Variants in AGBL4 observed in about 807,000 individuals in gnomAD.
AGBL4 encodes AGBL carboxypeptidase 4.
A neutral mutation model predicts 66.4 loss-of-function variants in AGBL4; 58 were observed. The ratio of observed to expected loss-of-function variants is 0.87; its 90% CI spans 0.71 to 1.09. The LOEUF is 1.09. Ranked by LOEUF, AGBL4 falls within the 50% of genes least tolerant of loss-of-function variation. The probability of loss-of-function intolerance (pLI) is 0.00; values close to 1 mark genes in which losing one functional copy is unlikely to be tolerated. For missense variants in AGBL4, 579 were observed against 631.0 expected, an observed-to-expected ratio of 0.92 and a Z score of 0.88; for synonymous variants, 234 against 222.9, an observed-to-expected ratio of 1.05 and a Z score of -0.44.
chr1:50,020,824 A>G (rs888779412), intron 1 of AGBL4, among the ~76,000 whole-genome samples: 1 of 152,236 alleles, frequency 6.6e-6, no homozygotes, highest in East Asian at 1.9e-4. Context: ...GTGGTACAAA[A>G]TAAACACTTC....
intron 5 of AGBL4, among the ~76,000 whole-genome samples, chr1:48,931,963 C>A (rs537489026): frequency 6.6e-6 from 1 of 152,306 alleles, no homozygotes; most frequent in East Asian, 1.9e-4. Flanking sequence ...ATCAGCCCAT[C>A]CTTCCCAGGA....
At chr1:48,994,872 A>T (rs931515788) in intron 5 of AGBL4, among the ~76,000 whole-genome samples, 1 of 152,210 alleles carries the variant, frequency 6.6e-6, no homozygotes, top group Non-Finnish European at 1.5e-5. Context: ...CAGATACATA[A>T]TTCCAAAATT....
chr1:49,736,101 G>C (rs1290811809), intron 2 of AGBL4, among the ~76,000 whole-genome samples: 2 of 151,470 alleles, frequency 1.3e-5, no homozygotes, highest in African/African-American at 4.8e-5. Flanking sequence ...AGGAAATAAA[G>C]AAAAAAGGGA....
chr1:48,549,012 T>G (rs1014375866), intron 11 of AGBL4, among the ~76,000 whole-genome samples: 1 of 152,200 alleles, frequency 6.6e-6, no homozygotes, highest in African/African-American at 2.4e-5. Flanking sequence ...GGTCTTTTCT[T>G]GCCATTATCC....
intron 2 of AGBL4, among the ~76,000 whole-genome samples, chr1:49,726,976 C>T (rs1277092094): frequency 6.6e-6 from 1 of 152,094 alleles, no homozygotes; most frequent in East Asian, 1.9e-4. Flanking sequence ...CATATGCCCA[C>T]CCTACAATAC....
intron 5 of AGBL4, among the ~76,000 whole-genome samples, chr1:48,890,386 G>A (rs894967918): frequency 6.6e-6 from 1 of 152,122 alleles, no homozygotes; most frequent in East Asian, 1.9e-4. Context: ...TTGTGGTGAG[G>A]ATTAAATATT....
At chr1:50,006,761 CCAGA>C (rs746104349) in intron 1 of AGBL4, among the ~76,000 whole-genome samples, 3 of 151,860 alleles carry the variant, frequency 2.0e-5, no homozygotes, top group Non-Finnish European at 2.9e-5. Context: ...AAATACTTTC[CCAGA>C]CAAACAAAAG....
chr1:49,563,633 C>T (rs887628517), intron 3 of AGBL4, among the ~76,000 whole-genome samples: 2 of 152,112 alleles, frequency 1.3e-5, no homozygotes, highest in African/African-American at 4.8e-5. Flanking sequence ...ATATGTTGAA[C>T]CAGCCTTGCA....
intron 3 of AGBL4, among the ~76,000 whole-genome samples, chr1:49,622,489 C>T (rs943377381): frequency 2.7e-5 from 4 of 150,484 alleles, no homozygotes; most frequent in African/African-American, 4.9e-5. Flanking sequence ...ATTAGCCGGG[C>T]GTAGTGGCGG....
intron 11 of AGBL4, among the ~76,000 whole-genome samples, chr1:48,574,939 T>C (rs1644626793): frequency 6.6e-6 from 1 of 152,184 alleles, no homozygotes; most frequent in Non-Finnish European, 1.5e-5. Flanking sequence ...TGTGCTCCTG[T>C]AGAGAATGGC....
chr1:48,591,467 G>A (rs1644917807), intron 9 of AGBL4, among the ~76,000 whole-genome samples: 1 of 152,138 alleles, frequency 6.6e-6, no homozygotes, highest in Non-Finnish European at 1.5e-5. Context: ...GAAGCTTGGT[G>A]TAAATCATGT....
intron 3 of AGBL4, among the ~76,000 whole-genome samples, chr1:49,569,823 G>A (rs1644290441): frequency 6.6e-6 from 1 of 152,100 alleles, no homozygotes; most frequent in African/African-American, 2.4e-5. Context: ...ACTTATGAGT[G>A]AGAACATATG....
chr1:48,578,011 C>T (rs1476557707), intron 11 of AGBL4, among the ~76,000 whole-genome samples: 1 of 152,146 alleles, frequency 6.6e-6, no homozygotes, highest in African/African-American at 2.4e-5. Context: ...AGCTGTGCAG[C>T]CTGGGGCATG....
chr1:49,058,660 A>C (rs1300700023), intron 4 of AGBL4, among the ~76,000 whole-genome samples: 1 of 152,230 alleles, frequency 6.6e-6, no homozygotes, highest in East Asian at 1.9e-4. Flanking sequence ...AGGTTGGAAC[A>C]GTGTGGAGGG....
chr1:49,845,089 T>C (rs1156229246), intron 2 of AGBL4: 1 of 1,455,676 alleles, frequency 6.9e-7, no homozygotes, highest in Non-Finnish European at 9.6e-7. Flanking sequence ...ATGTCAGGAA[T>C]GCAGAAAGGC....
chr1:49,126,949 A>T (rs1380561499), intron 4 of AGBL4, among the ~76,000 whole-genome samples: 1 of 152,184 alleles, frequency 6.6e-6, no homozygotes, highest in Non-Finnish European at 1.5e-5. Flanking sequence ...GACCCTAGAC[A>T]GTTTTAGCCA....
chr1:49,672,385 T>C (rs931900411), intron 3 of AGBL4, among the ~76,000 whole-genome samples: 2 of 152,014 alleles, frequency 1.3e-5, no homozygotes, highest in African/African-American at 4.8e-5. Flanking sequence ...ATAATAACTC[T>C]TGTGTAATAA....
At chr1:49,458,402 G>A (rs1168472884) in intron 3 of AGBL4, among the ~76,000 whole-genome samples, 2 of 151,662 alleles carry the variant, frequency 1.3e-5, no homozygotes, top group Non-Finnish European at 2.9e-5. Context: ...CACTAATTTG[G>A]TATCCTGAAA....
chr1:49,358,567 C>A (rs1041978594), intron 3 of AGBL4, among the ~76,000 whole-genome samples: 3 of 152,096 alleles, frequency 2.0e-5, no homozygotes, highest in Non-Finnish European at 2.9e-5. Flanking sequence ...AAGAGATAAC[C>A]ATCCTTTGCT....
Sources: allele counts gnomAD v4.1 joint callset (sites outside exome capture counted in the v4.1 genomes callset), GRCh38; gene constraint gnomAD v4.1.1; transcripts MANE v1.5; gene names NCBI Gene and HGNC (gene_info 2026-07-23, HGNC 2026-07-21).